The following TRAF2 variants were observed in gnomAD, a reference collection of about 807,000 sequenced individuals.
TRAF2 encodes the protein TNF receptor-associated factor 2.
TRAF2 carries 6 observed loss-of-function variants against 55.6 expected under a neutral mutation model. The ratio of observed to expected loss-of-function variants is 0.11; its 90% CI spans 0.06 to 0.21. TRAF2 has a LOEUF of 0.21. TRAF2 is among the 10% of genes least tolerant of loss of function. The pLI is 1.00. For missense variants in TRAF2, 561 were observed against 684.5 expected, an observed-to-expected ratio of 0.82 and a Z score of 2.01; for synonymous variants, 329 against 276.3, an observed-to-expected ratio of 1.19 and a Z score of -1.89.
In TRAF2 at chr9:136,925,172, A is replaced by G. The variant is rs1850498465; in HGVS notation, c.1288-511A>G. Among the ~76,000 whole-genome samples, 4 of 152,206 alleles carry G rather than the reference A, an allele frequency of 2.6e-5. 1 individual carries two copies. In the South Asian group the frequency reaches 8.3e-4, roughly 31 times the overall value. Reference sequence around the variant, plus strand: ...CCCCACCCCCTATAGCTAGTGGAGTAGGCAGAGCAGAGTTGGGTGGGGGAG... The same window carrying G: ...CCCCACCCCCTATAGCTAGTGGAGTGGGCAGAGCAGAGTTGGGTGGGGGAG... On this transcript the variant is annotated intron_variant, in intron 10 of 10. Transcript: ENST00000247668.
Position 136,925,957 on chromosome 9 carries a change from A to T in TRAF2, c.*56A>T. 6.3e-7 allele frequency: 1 copy of T among 1,599,918 alleles called. No individual in the cohort carries two copies. The highest frequency in any genetic ancestry group is 8.5e-7 in the Non-Finnish European group (1 of 1,169,872). ...GCAGCCAGGCACAGCCGGCTCACGGAGGGGCCACCACGCTGGGCCAGGGTC... is the reference window on the plus strand; with the variant it reads ...GCAGCCAGGCACAGCCGGCTCACGGTGGGGCCACCACGCTGGGCCAGGGTC... On this transcript the variant is annotated 3_prime_UTR_variant, in exon 11 of 11. Coordinates refer to ENST00000247668, the MANE Select transcript of TRAF2 (RefSeq NM_021138.4).
Position 136,898,750 on chromosome 9 carries a change from G to A in TRAF2, c.10G>A (p.Ala4Thr), listed in dbSNP as rs61735540. MAA[A>T]SVTPPGSLEL... ...GGGGGTCACAGCTCTCATGGCTGCA[G>A]CTAGCGTGACCCCCCCTGGCTCCCT... Residue 4 changes from alanine (A) to threonine (T), a missense_variant, in exon 2 of 11, where the codon GCT becomes ACT. Physicochemically the swap from Ala to Thr is moderately conservative, Grantham distance 58 (BLOSUM62 0). Coordinates refer to ENST00000247668, the MANE Select transcript of TRAF2 (RefSeq NM_021138.4). The A allele has an allele frequency of 6.2e-7, 1 of 1,613,424 alleles. No homozygotes were observed. Among genetic ancestry groups the A allele is most frequent in the Admixed American group, 1.7e-5 (1 of 60,016 alleles).
intron 6 of TRAF2, among the ~76,000 whole-genome samples, chr9:136,913,958 C>T (rs551496329): frequency 2.0e-5 from 3 of 152,266 alleles, no homozygotes; most frequent in Admixed American, 2.0e-4. Context: ...TGGAGGCTGA[C>T]CTGTGGGGCT....
chr9:136,890,954 T>G (rs1336923278), intron 1 of TRAF2, among the ~76,000 whole-genome samples: 1 of 152,172 alleles, frequency 6.6e-6, no homozygotes, highest in African/African-American at 2.4e-5. Flanking sequence ...CACTGCAGCC[T>G]CCTCCTCCCC....
intron 1 of TRAF2, among the ~76,000 whole-genome samples, chr9:136,894,982 C>T (rs1849651378): frequency 1.3e-5 from 2 of 152,180 alleles, no homozygotes; most frequent in Admixed American, 1.3e-4. Context: ...AGTGAGACCC[C>T]TGTTTCTAAA....
At chr9:136,914,611 T>C (rs1850196763) in intron 6 of TRAF2, among the ~76,000 whole-genome samples, 1 of 152,238 alleles carries the variant, frequency 6.6e-6, no homozygotes, top group Non-Finnish European at 1.5e-5. Context: ...TTCAGATTCT[T>C]ACCCAACTTC....
At chr9:136,884,566 G>A (rs372187786), upstream of TRAF2, among the ~76,000 whole-genome samples, 234 of 61,884 alleles carry the variant, frequency 3.8e-3, no homozygotes, top group African/African-American at 0.017. Flanking sequence ...TCTCAAAAAA[G>A]AAAAAAAAGA....
rs147576715 is a variant in TRAF2 at position 136,898,791 on chromosome 9, C to T, written c.51C>T (p.Pro17=). The T allele has an allele frequency of 6.6e-4, 1,069 of 1,613,616 alleles. 2 individuals carry two copies. The highest frequency in any genetic ancestry group is 2.0e-3 in the Middle Eastern group (12 of 6,084). The change falls in exon 2 of 11, where the codon CCC becomes CCT. Residue 17 remains proline (P), a synonymous_variant. Coordinates refer to ENST00000247668, the MANE Select transcript of TRAF2 (RefSeq NM_021138.4). ...CTGGCTCCCTGGAGTTGCTACAGCC[C>T]GGCTTCTCCAAGACCCTCCTGGGGA... is the stretch of plus-strand genomic sequence containing the variant. ...TPPGSLELLQ[P]GFSKTLLGTK... is the part of the protein sequence containing the mutation.
At chr9:136,906,432 C>T (rs1207676644) in intron 4 of TRAF2, among the ~76,000 whole-genome samples, 1 of 152,126 alleles carries the variant, frequency 6.6e-6, no homozygotes, top group Non-Finnish European at 1.5e-5. Context: ...GGCAAGAGAG[C>T]ATGTGCAGGG....
At position 136,909,986 on chromosome 9, in the gene TRAF2, C is replaced by T. The variant is rs774024927; in HGVS notation, c.595C>T (p.Arg199Trp). 11 of 1,613,554 alleles carry T rather than the reference C, an allele frequency of 6.8e-6. No individual in the cohort carries two copies. The highest frequency in any genetic ancestry group is 2.2e-5 in the East Asian group (1 of 44,850). The part of the protein sequence containing the change: ...CDGCGKKKIP[R>W]EKFQDHVKTC... ...CGGCTGCGGCAAGAAGAAGATCCCCCGGGAGAAGGTGAGTGTCCTTCACCT... is the reference window on the plus strand; with the variant it reads ...CGGCTGCGGCAAGAAGAAGATCCCCTGGGAGAAGGTGAGTGTCCTTCACCT... Residue 199 changes from arginine to tryptophan, a missense_variant, in exon 6 of 11, where the codon CGG (arginine) becomes TGG (tryptophan). Transcript: ENST00000247668.
chr9:136,904,081 C>T (rs1449775468), intron 4 of TRAF2, among the ~76,000 whole-genome samples: 1 of 152,258 alleles, frequency 6.6e-6, no homozygotes, highest in African/African-American at 2.4e-5. Context: ...ACATGCTGCC[C>T]CGCAGCACCT....
intron 10 of TRAF2, among the ~76,000 whole-genome samples, chr9:136,924,890 C>T (rs1002251655): frequency 1.3e-5 from 2 of 151,990 alleles, no homozygotes; most frequent in African/African-American, 4.8e-5. Flanking sequence ...AGGCATGCAC[C>T]ACCACGCCCA....
At chr9:136,900,844 G>A (rs1198066725) in intron 4 of TRAF2, among the ~76,000 whole-genome samples, 1 of 152,160 alleles carries the variant, frequency 6.6e-6, no homozygotes, top group Non-Finnish European at 1.5e-5. Flanking sequence ...GGTTGGAGGT[G>A]CCTGTGTGAG....
intron 5 of TRAF2, 127 bp from the exon 6 acceptor site, chr9:136,909,793 G>A (rs898103313): frequency 1.3e-5 from 12 of 892,428 alleles, no homozygotes; most frequent in African/African-American, 6.6e-5. Flanking sequence ...ACTGTCCTTC[G>A]AGGCTGGAGG....
At chr9:136,909,862 C>G (rs1373273246) in intron 5 of TRAF2, 58 bp from the exon 6 acceptor site, 1 of 1,582,842 alleles carries the variant, frequency 6.3e-7, no homozygotes, top group Admixed American at 1.7e-5. Context: ...GTGTGCCGCC[C>G]TCCACCCGCG....
At chr9:136,914,519 C>T (rs998362765) in intron 6 of TRAF2, among the ~76,000 whole-genome samples, 5 of 152,176 alleles carry the variant, frequency 3.3e-5, no homozygotes, top group East Asian at 1.9e-4. Context: ...GTGTTTCATC[C>T]GAAAATACTT....
At chr9:136,895,414 T>A (rs1466010319) in intron 1 of TRAF2, among the ~76,000 whole-genome samples, 1 of 152,226 alleles carries the variant, frequency 6.6e-6, no homozygotes, top group Non-Finnish European at 1.5e-5. Flanking sequence ...GACCTGTGGC[T>A]GAGCTGACCT....
At chr9:136,904,982 G>T (rs1218162005) in intron 4 of TRAF2, among the ~76,000 whole-genome samples, 1 of 152,222 alleles carries the variant, frequency 6.6e-6, no homozygotes, top group African/African-American at 2.4e-5. Flanking sequence ...TCCCTGGGGC[G>T]CCTCTAAGGA....
intron 6 of TRAF2, among the ~76,000 whole-genome samples, chr9:136,911,846 C>CGTTTTTT (rs1850115128): frequency 2.8e-5 from 2 of 71,446 alleles, no homozygotes; most frequent in Non-Finnish European, 4.8e-5. Context: ...TCTCTTATCT[C>CGTTTTTT]TTTTTTTTTT....
Sources: allele counts gnomAD v4.1 joint callset (sites outside exome capture counted in the v4.1 genomes callset), GRCh38; gene constraint gnomAD v4.1.1; transcripts MANE v1.5; gene names NCBI Gene and HGNC (gene_info 2026-07-23, HGNC 2026-07-21).